Variants in KLF8 observed in about 807,000 individuals in gnomAD.
KLF8 encodes Krueppel-like factor 8.
Under a neutral mutation model 18.2 loss-of-function variants are expected in KLF8, and 10 were observed. The observed-to-expected ratio is 0.55, with a 90% CI of 0.34 to 0.93. KLF8 has a LOEUF of 0.93. Among genes scored for constraint, KLF8 ranks in the 40% least tolerant of loss-of-function variants. The pLI is 0.02. For synonymous variants in KLF8, 109 were observed against 97.3 expected (o/e 1.12, Z -0.71); for missense variants, 264 against 277.9 (o/e 0.95, Z 0.36).
the KLF8 span, among the ~76,000 whole-genome samples, chrX:56,068,646 T>A: frequency 9.1e-6 from 1 of 110,444 alleles, no homozygotes; most frequent in South Asian, 3.8e-4. Context: ...CAGCTAGAGG[T>A]CACAGCTTCC....
chrX:56,169,681 A>T, the KLF8 span, among the ~76,000 whole-genome samples: 9 of 111,263 alleles, frequency 8.1e-5, no homozygotes, highest in Admixed American at 2.9e-4. Context: ...ATAATAGAAC[A>T]TGAGGTGGAC....
At chrX:56,052,961 A>C in the KLF8 span, among the ~76,000 whole-genome samples, 1 of 111,357 alleles carries the variant, frequency 9.0e-6, no homozygotes, top group African/African-American at 3.3e-5. Context: ...GTGGGATATA[A>C]TCTCGTGGTG....
chrX:56,236,602 A>G (rs2066477655), intron 1 of KLF8, among the ~76,000 whole-genome samples: 1 of 111,418 alleles, frequency 9.0e-6, no homozygotes, highest in Admixed American at 9.6e-5. Context: ...CAGACCAACT[A>G]AAGCTCACAC....
the KLF8 span, among the ~76,000 whole-genome samples, chrX:56,211,884 T>A: frequency 9.1e-6 from 1 of 109,438 alleles, no homozygotes; most frequent in African/African-American, 3.3e-5. Context: ...GCAGAAGGAG[T>A]TTTGCCCTGA....
At chrX:56,173,931 T>C in the KLF8 span, among the ~76,000 whole-genome samples, 1 of 112,064 alleles carries the variant, frequency 8.9e-6, no homozygotes, top group Non-Finnish European at 1.9e-5. Flanking sequence ...CTTGTGATTT[T>C]TGCACATTGA....
the KLF8 span, among the ~76,000 whole-genome samples, chrX:56,089,378 G>C: frequency 8.9e-6 from 1 of 111,918 alleles, no homozygotes; most frequent in African/African-American, 3.3e-5. Context: ...GTTTATAGTC[G>C]AAAATAAATA....
chrX:56,059,288 C>T, the KLF8 span, among the ~76,000 whole-genome samples: 1 of 111,523 alleles, frequency 9.0e-6, no homozygotes, highest in African/African-American at 3.3e-5. Flanking sequence ...AAAATTTTTT[C>T]CCGTTCTGTA....
chrX:56,014,503 G>A, the KLF8 span, among the ~76,000 whole-genome samples: 4 of 112,262 alleles, frequency 3.6e-5, no homozygotes, highest in Non-Finnish European at 5.6e-5. Context: ...CTGCGGAGAA[G>A]AAGGAATGTT....
chrX:56,158,727 C>G, the KLF8 span, among the ~76,000 whole-genome samples: 19 of 111,991 alleles, frequency 1.7e-4, no homozygotes, highest in Non-Finnish European at 2.6e-4. Context: ...GATTTTTGCA[C>G]ATTGATTTTG....
the KLF8 span, among the ~76,000 whole-genome samples, chrX:56,127,014 A>G: frequency 1.8e-5 from 2 of 109,007 alleles, no homozygotes; most frequent in Non-Finnish European, 3.8e-5. Flanking sequence ...CGGCCTCCCA[A>G]AGTGCTGGGA....
At chrX:56,141,078 C>T in the KLF8 span, among the ~76,000 whole-genome samples, 2 of 111,825 alleles carry the variant, frequency 1.8e-5, no homozygotes, top group Middle Eastern at 9.2e-3. Flanking sequence ...ATCCTCACGC[C>T]TCAGCCTCCC....
chrX:56,289,716 A>C lies in KLF8; in HGVS notation c.*5222A>C, dbSNP rs751048387. On this transcript the variant is annotated 3_prime_UTR_variant, in exon 6 of 6. Coordinates refer to ENST00000468660, the MANE Select transcript of KLF8 (RefSeq NM_007250.5). ...ACTTAATTTTTCAAATTCAGTGTGC[A>C]CATATAGCAGTATCTGAATTGTTAA... Among the ~76,000 whole-genome samples the C allele has an allele frequency of 9.0e-5, 10 of 111,705 alleles. No homozygotes were observed. The highest frequency in any genetic ancestry group is 1.5e-4 in the Non-Finnish European group (8 of 53,192).
the KLF8 span, among the ~76,000 whole-genome samples, chrX:56,037,942 C>T: frequency 8.9e-6 from 1 of 111,732 alleles, no homozygotes; most frequent in African/African-American, 3.3e-5. Flanking sequence ...TTTTTGTATG[C>T]ATTAACCATC....
At chrX:55,966,282 T>C in the KLF8 span, among the ~76,000 whole-genome samples, 1 of 112,038 alleles carries the variant, frequency 8.9e-6, no homozygotes, top group Non-Finnish European at 1.9e-5. Context: ...ATTAGCTAGG[T>C]AGTGGTTATG....
the KLF8 span, among the ~76,000 whole-genome samples, chrX:55,938,233 G>A: frequency 2.7e-5 from 3 of 111,843 alleles, 1 homozygote; most frequent in Admixed American, 2.8e-4. Context: ...CATTCTTAAA[G>A]AAAAGAATTT....
chrX:56,090,475 A>AT, the KLF8 span, among the ~76,000 whole-genome samples: 1 of 112,200 alleles, frequency 8.9e-6, no homozygotes, highest in Non-Finnish European at 1.9e-5. Context: ...GGAATTATTA[A>AT]ACCAGGAATT....
the KLF8 span, among the ~76,000 whole-genome samples, chrX:55,970,727 A>G: frequency 1.8e-5 from 2 of 111,783 alleles, no homozygotes; most frequent in Non-Finnish European, 3.8e-5. Flanking sequence ...AAGAGATCAA[A>G]TCAACATGCA....
At chrX:56,176,286 A>G in the KLF8 span, among the ~76,000 whole-genome samples, 1 of 111,731 alleles carries the variant, frequency 9.0e-6, no homozygotes, top group Admixed American at 9.5e-5. Context: ...GAGTTCTTTT[A>G]GGGCAGGCCC....
the KLF8 span, among the ~76,000 whole-genome samples, chrX:56,161,631 G>A: frequency 9.0e-6 from 1 of 111,273 alleles, no homozygotes; most frequent in Non-Finnish European, 1.9e-5. Flanking sequence ...GGTCCTTTAA[G>A]CACTTCTCTG....
Sources: gnomAD v4.1 joint callset for allele counts (sites outside exome capture counted in the v4.1 genomes callset) on GRCh38, gnomAD v4.1.1 for gene constraint, MANE v1.5 for transcripts, NCBI Gene and HGNC (gene_info 2026-07-23, HGNC 2026-07-21) for gene names.